The following LRRC7 variants were observed in gnomAD, a reference collection of about 807,000 sequenced individuals.
The protein encoded by LRRC7 is leucine-rich repeat-containing protein 7.
Under a neutral mutation model 175.7 loss-of-function variants are expected in LRRC7, and 23 were observed. That is an observed-to-expected ratio of 0.13 (90% CI 0.09 to 0.19). The LOEUF is 0.19. Ranked by LOEUF, LRRC7 falls within the 10% of genes least tolerant of loss-of-function variation. The pLI is 1.00. For synonymous variants in LRRC7, 685 were observed against 680.9 expected, an observed-to-expected ratio of 1.01 and a Z score of -0.09; for missense variants, 1,354 against 1,904.7, an observed-to-expected ratio of 0.71 and a Z score of 5.38.
intron 7 of LRRC7, among the ~76,000 whole-genome samples, chr1:69,865,912 GTC>G (rs1684905545): frequency 6.6e-6 from 1 of 152,146 alleles, no homozygotes. Flanking sequence ...CTCCCTAGGT[GTC>G]TCTGCCAAAT....
chr1:69,893,120 T>A (rs1339874739), intron 7 of LRRC7, among the ~76,000 whole-genome samples: 1 of 152,182 alleles, frequency 6.6e-6, no homozygotes, highest in Non-Finnish European at 1.5e-5. Context: ...CATTCAGTCC[T>A]CACAATGGGA....
chr1:69,676,903 A>G (rs139484461), intron 1 of LRRC7, among the ~76,000 whole-genome samples: 19 of 152,078 alleles, frequency 1.2e-4, no homozygotes, highest in Middle Eastern at 3.4e-3. Context: ...ATTGTACTCA[A>G]TAGGTAGTTT....
intron 2 of LRRC7, among the ~76,000 whole-genome samples, chr1:69,694,919 C>T (rs187956612): frequency 2.0e-5 from 3 of 152,212 alleles, no homozygotes; most frequent in Admixed American, 2.0e-4. Flanking sequence ...AATTACTCAG[C>T]CTCGGGTATT....
intron 7 of LRRC7, among the ~76,000 whole-genome samples, chr1:69,928,318 A>C (rs960728363): frequency 1.3e-5 from 2 of 152,182 alleles, no homozygotes; most frequent in Non-Finnish European, 2.9e-5. Context: ...TGCTGGGAGA[A>C]CCACTGCTCT....
chr1:69,795,565 C>T (rs1221805773), intron 4 of LRRC7, among the ~76,000 whole-genome samples: 3 of 152,098 alleles, frequency 2.0e-5, no homozygotes, highest in Admixed American at 1.3e-4. Flanking sequence ...TGAGAGAATA[C>T]AAGCAGTATT....
At chr1:69,902,234 A>C (rs1205315207) in intron 7 of LRRC7, among the ~76,000 whole-genome samples, 2 of 152,156 alleles carry the variant, frequency 1.3e-5, no homozygotes, top group Non-Finnish European at 2.9e-5. Context: ...ATGTTTGTTA[A>C]ATTGATTTTA....
intron 1 of LRRC7, among the ~76,000 whole-genome samples, chr1:69,628,864 T>A (rs1652021932): frequency 6.6e-6 from 1 of 152,126 alleles, no homozygotes; most frequent in Non-Finnish European, 1.5e-5. Context: ...AACAGTACAA[T>A]GGAGAAAAGA....
Position 70,044,076 on chromosome 1 carries a change from AG to A in LRRC7, c.4093del (p.Glu1365AsnfsTer15). ...AGACTAAGTCTAAATTTGATCATCA[AG>A]AACTACCTCTTCAGAAAGTAAGTAT... Reference protein sequence around the residue: ...LQTKSKFDHQELPLQKTPSQQ... With the variant: ...LQTKSKFDHQXLPLQKTPSQQ... On this transcript the variant is annotated frameshift_variant, in exon 22 of 27. Coordinates refer to ENST00000651989, the MANE Select transcript of LRRC7 (RefSeq NM_001370785.2). LOFTEE classifies it high-confidence loss of function. 1 of 1,613,166 alleles carries A rather than the reference AG, an allele frequency of 6.2e-7. No individual in the cohort carries two copies. Among genetic ancestry groups the A allele is most frequent in the Non-Finnish European group, 8.5e-7 (1 of 1,179,478 alleles).
At chr1:69,809,063 T>C (rs531879553) in intron 4 of LRRC7, among the ~76,000 whole-genome samples, 1 of 151,962 alleles carries the variant, frequency 6.6e-6, no homozygotes, top group African/African-American at 2.4e-5. Context: ...AAGAATCAAA[T>C]AGACACAATA....
chr1:69,853,044 A>G (rs1019127382), intron 7 of LRRC7, among the ~76,000 whole-genome samples: 1 of 152,136 alleles, frequency 6.6e-6, no homozygotes, highest in Non-Finnish European at 1.5e-5. Context: ...AAATTTTACA[A>G]AATCTTTAAG....
chr1:69,936,677 C>T (rs994972796), intron 8 of LRRC7, among the ~76,000 whole-genome samples: 11 of 152,052 alleles, frequency 7.2e-5, no homozygotes, highest in Admixed American at 2.6e-4. Flanking sequence ...AGGTAGTGAG[C>T]GTAGTACCTG....
At chr1:69,845,148 G>A (rs570522711) in intron 7 of LRRC7, among the ~76,000 whole-genome samples, 11 of 152,202 alleles carry the variant, frequency 7.2e-5, no homozygotes, top group African/African-American at 1.9e-4. Context: ...CTACAAGGGA[G>A]GCTGAAGTGG....
chr1:69,827,354 G>A (rs1156756542), intron 5 of LRRC7, among the ~76,000 whole-genome samples: 1 of 152,092 alleles, frequency 6.6e-6, no homozygotes, highest in African/African-American at 2.4e-5. Context: ...GAAATTTCAA[G>A]TCTATGGTTT....
In LRRC7 at chr1:70,028,189, C is replaced by T. The variant is rs1658325737; in HGVS notation, c.1813C>T (p.Arg605Ter). ...CTTCTAGGTTGAAATAAACCTAAAA[C>T]GATATCCAACTCCTTACCCAGAGGA... The part of the protein sequence containing the change: ...SGRQVEINLK[R>*]YPTPYPEDLK... The change falls in exon 18 of 27, where the codon CGA (arginine) becomes TGA (stop). Residue 605 changes from arginine (R) to a stop codon, truncating the protein, a stop_gained. Transcript: ENST00000651989. LOFTEE classifies it high-confidence loss of function. The T allele has an allele frequency of 1.2e-6, 2 of 1,613,068 alleles. No individual in the cohort carries two copies. Among genetic ancestry groups the T allele is most frequent in the Non-Finnish European group, 1.7e-6 (2 of 1,179,348 alleles).
rs1419734406 is a variant in LRRC7 at position 70,142,216 on chromosome 1, C to CTTA, written c.*20332_*20334dup. On this transcript the variant is annotated 3_prime_UTR_variant, in exon 27 of 27. Transcript: ENST00000651989. ...TTGTAGTCTTTCCACTCAGAGGACT[C>CTTA]TTATTTGGCTTGAATGTGGAAAAGG... is the stretch of plus-strand genomic sequence containing the variant. 1.3e-5 allele frequency: 2 copies of CTTA among 152,038 alleles called. No individual in the cohort carries two copies. The highest frequency in any genetic ancestry group is 3.9e-4 in the East Asian group (2 of 5,192). The allele number at this position is 152,038 out of a possible 1,614,324, so 9.4% of individuals were successfully genotyped here.
chr1:69,997,572 C>T (rs1655112849), intron 11 of LRRC7, among the ~76,000 whole-genome samples: 1 of 151,482 alleles, frequency 6.6e-6, no homozygotes, highest in South Asian at 2.1e-4. Context: ...TGAGATACGT[C>T]CCATCAATAC....
At chr1:69,797,909 T>G (rs550413358) in intron 4 of LRRC7, among the ~76,000 whole-genome samples, 2 of 150,904 alleles carry the variant, frequency 1.3e-5, no homozygotes, top group Admixed American at 6.6e-5. Context: ...TTGCACTTTG[T>G]TTTTTTTGTT....
chr1:70,076,327 A>G, intron 24 of LRRC7, 29 bp downstream of exon 24: 1 of 1,603,398 alleles, frequency 6.2e-7, no homozygotes, highest in Non-Finnish European at 8.5e-7. Flanking sequence ...TTACTGAAAA[A>G]TCTTCAGGTA....
chr1:69,797,176 G>A (rs1243725028), intron 4 of LRRC7, among the ~76,000 whole-genome samples: 5 of 152,086 alleles, frequency 3.3e-5, no homozygotes, highest in East Asian at 3.9e-4. Flanking sequence ...GGATAAGGTC[G>A]CCATCCAATT....
Sources: allele counts gnomAD v4.1 joint callset (sites outside exome capture counted in the v4.1 genomes callset), GRCh38; gene constraint gnomAD v4.1.1; transcripts MANE v1.5; gene names NCBI Gene and HGNC (gene_info 2026-07-23, HGNC 2026-07-21).